Variants in DUSP11 observed in about 807,000 individuals in gnomAD.
The protein encoded by DUSP11 is RNA/RNP complex-1-interacting phosphatase.
A neutral mutation model predicts 41.4 loss-of-function variants in DUSP11; 27 were observed. The ratio of observed to expected loss-of-function variants is 0.65; its 90% confidence interval spans 0.48 to 0.90. The LOEUF (loss-of-function observed/expected upper bound fraction) is 0.90. DUSP11 is among the 40% of genes least tolerant of loss of function. The pLI, the probability that DUSP11 is intolerant of heterozygous loss-of-function variation, is 0.00. For synonymous variants in DUSP11, 188 were observed against 159.3 expected, an observed-to-expected ratio of 1.18 and a Z score of -1.35; for missense variants, 465 against 461.1, an observed-to-expected ratio of 1.01 and a Z score of -0.08.
intron 4 of DUSP11, among the ~76,000 whole-genome samples, chr2:73,770,941 T>C (rs1246587986): frequency 6.6e-6 from 1 of 152,142 alleles, no homozygotes; most frequent in African/African-American, 2.4e-5. Context: ...CTCAGGGACT[T>C]TGCACCTGCT....
chr2:73,774,386 A>G (rs2103944329), intron 3 of DUSP11, among the ~76,000 whole-genome samples: 1 of 152,284 alleles, frequency 6.6e-6, no homozygotes, highest in African/African-American at 2.4e-5. Flanking sequence ...ATACAGATAA[A>G]AGACAGAAGA....
exon 1 of DUSP11, chr2:73,779,932 G>A: frequency 6.2e-7 from 1 of 1,614,218 alleles, no homozygotes; most frequent in Non-Finnish European, 8.5e-7. Context: ...GAAAAGTCGC[G>A]TCTCCGGCCC....
chr2:73,771,118 A>G (rs911847837), intron 4 of DUSP11, among the ~76,000 whole-genome samples: 2 of 152,142 alleles, frequency 1.3e-5, no homozygotes, highest in Non-Finnish European at 2.9e-5. Flanking sequence ...ACTTATCACC[A>G]TATATATTCC....
chr2:73,775,180 ATAT>A, intron 2 of DUSP11, 136 bp from the exon 3 acceptor site: 1 of 703,326 alleles, frequency 1.4e-6, no homozygotes, highest in Non-Finnish European at 2.2e-6. Flanking sequence ...CATAGAAGGT[ATAT>A]TACAACAATC....
rs1483830167 is a variant in DUSP11, at chr2:73,766,601, G to A, written c.759-7C>T. 1 of 1,601,072 alleles carries A rather than the reference G, an allele frequency of 6.2e-7. No individual in the cohort carries two copies. The highest frequency in any genetic ancestry group is 1.8e-5 in the Admixed American group (1 of 56,540). On this transcript the variant is annotated splice_polypyrimidine_tract_variant and splice_region_variant and intron_variant, in intron 7 of 8. Transcript: ENST00000272444. Reference sequence around the variant, plus strand: ...TACACTGGAATTCCAATTCCTTAAAGAGAATATTTTCCACACAATATTACT... The same window carrying A: ...TACACTGGAATTCCAATTCCTTAAAAAGAATATTTTCCACACAATATTACT...
chr2:73,762,753 T>G, exon 9 of DUSP11: 5 of 1,613,814 alleles, frequency 3.1e-6, no homozygotes, highest in East Asian at 2.2e-5. Flanking sequence ...CGACTGGCAT[T>G]GGGCTTCACA....
chr2:73,762,435 T>A, exon 9 of DUSP11: 1 of 333,730 alleles, frequency 3.0e-6, no homozygotes, highest in Non-Finnish European at 5.4e-6. Context: ...AATATTGTCT[T>A]CTTTTAGAAA....
exon 1 of DUSP11, chr2:73,780,149 T>C (rs766546920): frequency 1.9e-6 from 3 of 1,550,898 alleles, no homozygotes; most frequent in East Asian, 2.4e-5. Flanking sequence ...GTAGCCACGC[T>C]GGCTTACTGA....
intron 3 of DUSP11, 68 bp downstream of exon 3, chr2:73,774,845 C>T: frequency 1.5e-6 from 2 of 1,334,582 alleles, no homozygotes; most frequent in East Asian, 4.9e-5. Context: ...AAGATGATTA[C>T]TGAATTACTA....
chr2:73,774,472 T>C (rs1672643067), intron 3 of DUSP11, among the ~76,000 whole-genome samples: 2 of 152,194 alleles, frequency 1.3e-5, no homozygotes. Flanking sequence ...TGTGTAACCA[T>C]CACCACTGTC....
intron 2 of DUSP11, among the ~76,000 whole-genome samples, chr2:73,778,091 T>G (rs1358529928): frequency 6.6e-6 from 1 of 151,894 alleles, no homozygotes; most frequent in East Asian, 1.9e-4. Flanking sequence ...TTATTTTATT[T>G]TTTATATTAT....
At chr2:73,762,960 A>T (rs1488847320) in intron 8 of DUSP11, 101 bp from the exon 9 acceptor site, 1 of 486,932 alleles carries the variant, frequency 2.1e-6, no homozygotes. Context: ...AAATTTATAA[A>T]TTTACAAAAT....
exon 2 of DUSP11, chr2:73,778,347 C>A: frequency 6.4e-7 from 1 of 1,550,910 alleles, no homozygotes; most frequent in Non-Finnish European, 8.7e-7. Flanking sequence ...CCCAGGCATC[C>A]GCTGTCCAAC....
At chr2:73,779,643 G>C (rs1017850275) in intron 1 of DUSP11, 16 of 650,024 alleles carry the variant, frequency 2.5e-5, no homozygotes, top group East Asian at 8.5e-5. Flanking sequence ...TTTTACCTAA[G>C]AGCAATGGCC....
exon 1 of DUSP11, chr2:73,779,921 T>C: frequency 1.2e-6 from 2 of 1,614,216 alleles, no homozygotes. Context: ...AGGAGCGTCC[T>C]GAAAAGTCGC....
chr2:73,764,382 G>C (rs778948491), intron 8 of DUSP11, among the ~76,000 whole-genome samples: 6 of 151,962 alleles, frequency 3.9e-5, no homozygotes, highest in South Asian at 2.1e-4. Context: ...CTCCCACCTT[G>C]GCCTCCCTAA....
At chr2:73,768,450 C>T (rs1161328545) in intron 5 of DUSP11, 1 of 985,082 alleles carries the variant, frequency 1.0e-6, no homozygotes, top group East Asian at 1.1e-4. Context: ...ACAAACATAA[C>T]TCAGTACAGT....
Position 73,773,692 on chromosome 2 carries a change from A to G in DUSP11, c.574+108T>C, listed in dbSNP as rs1484602074. The G allele has an allele frequency of 7.1e-6, 8 of 1,126,558 alleles. No homozygotes were observed. In the Admixed American group the frequency reaches 1.4e-4, roughly 20 times the overall value. 69.8% of individuals were successfully genotyped at this position (1,126,558 alleles called of 1,614,324 possible). ...CACCATCTGACATTTTCATCACCTT[A>G]GCATCATTAAATACAACAGGTCTGA... On this transcript the variant is annotated intron_variant, in intron 4 of 8. Transcript: ENST00000272444.
At chr2:73,778,455 G>A (rs1008408956) in intron 1 of DUSP11, 79 bp from the exon 2 acceptor site, 18 of 906,510 alleles carry the variant, frequency 2.0e-5, no homozygotes, top group Non-Finnish European at 2.6e-5. Context: ...TTGAAAATGG[G>A]AATCATAGCC....
Sources: gnomAD v4.1 joint callset for allele counts (sites outside exome capture counted in the v4.1 genomes callset) on GRCh38, gnomAD v4.1.1 for gene constraint, MANE v1.5 for transcripts, NCBI Gene and HGNC (gene_info 2026-07-23, HGNC 2026-07-21) for gene names.